RPS6KA2: variants seen among roughly 807,000 people sequenced by gnomAD.
RPS6KA2 encodes the protein ribosomal protein S6 kinase A2.
In RPS6KA2, 42 loss-of-function variants were observed where a neutral mutation model predicts 91.8. The observed-to-expected ratio is 0.46, with a 90% confidence interval of 0.36 to 0.59. RPS6KA2 has a LOEUF of 0.59. Among genes scored for constraint, RPS6KA2 ranks in the 20% least tolerant of loss-of-function variants. The pLI, the probability that RPS6KA2 is intolerant of heterozygous loss-of-function variation, is 0.00. For synonymous variants in RPS6KA2, 414 were observed against 393.6 expected, an observed-to-expected ratio of 1.05 and a Z score of -0.61; for missense variants, 798 against 978.5, an observed-to-expected ratio of 0.82 and a Z score of 2.46.
rs1780037916 is a variant in RPS6KA2 at position 166,825,873 on chromosome 6, G to A, written c.123+32327C>T. Reference sequence around the variant, plus strand: ...GAGAGACACAAGCATTCAGACCACAGCACAGATGAAATGTCCACAGCAGGA... The same window carrying A: ...GAGAGACACAAGCATTCAGACCACAACACAGATGAAATGTCCACAGCAGGA... On this transcript the variant is annotated intron_variant, in intron 2 of 21. Transcript: ENST00000503859. This position sits in a 1 kb window ranked among gnomAD's most constrained non-coding sequence, Gnocchi z 4.1. Among the ~76,000 whole-genome samples, 1 of 152,168 alleles carries A rather than the reference G, an allele frequency of 6.6e-6. No individual in the cohort carries two copies. The highest frequency in any genetic ancestry group is 1.5e-5 in the Non-Finnish European group (1 of 68,032).
intron 14 of RPS6KA2, among the ~76,000 whole-genome samples, chr6:166,446,319 G>A (rs1302283090): frequency 2.6e-5 from 4 of 152,298 alleles, no homozygotes; most frequent in South Asian, 2.1e-4. Context: ...GTCCCGGGCC[G>A]TTCATGGGGC....
intron 2 of RPS6KA2, among the ~76,000 whole-genome samples, chr6:166,691,386 T>C (rs1017764110): frequency 2.0e-5 from 3 of 152,204 alleles, no homozygotes; most frequent in African/African-American, 4.8e-5. Context: ...GCCTGAGACC[T>C]GCCAGGCTAT....
intron 1 of RPS6KA2, among the ~76,000 whole-genome samples, chr6:166,574,775 C>T (rs937976176): frequency 1.3e-5 from 2 of 152,022 alleles, no homozygotes; most frequent in African/African-American, 4.8e-5. Context: ...AGGAAACATA[C>T]AAATGATTGC....
chr6:166,556,866 G>C (rs534709798), intron 1 of RPS6KA2, among the ~76,000 whole-genome samples: 20 of 152,268 alleles, frequency 1.3e-4, no homozygotes, highest in African/African-American at 4.6e-4. Flanking sequence ...CTTTGTAAAA[G>C]TACAATCCCC....
At chr6:166,768,113 T>C (rs926485323) in intron 2 of RPS6KA2, among the ~76,000 whole-genome samples, 2 of 152,228 alleles carry the variant, frequency 1.3e-5, no homozygotes, top group South Asian at 4.1e-4. Context: ...AAACAGGGCA[T>C]GTGTGTTCAC....
At chr6:166,632,429 A>G (rs1285196903) in intron 2 of RPS6KA2, among the ~76,000 whole-genome samples, 1 of 152,110 alleles carries the variant, frequency 6.6e-6, no homozygotes, top group Non-Finnish European at 1.5e-5. Context: ...CCTGACCAAC[A>G]TGGAGAAACC....
At position 166,410,028 on chromosome 6, in the gene RPS6KA2, G is replaced by A. The variant is rs1778248224; in HGVS notation, c.*2734C>T. 1 of 152,184 alleles carries A rather than the reference G, an allele frequency of 6.6e-6. No individual in the cohort carries two copies. Among genetic ancestry groups the A allele is most frequent in the African/African-American group, 2.4e-5 (1 of 41,442 alleles). The allele number at this position is 152,184 out of a possible 1,614,324, so 9.4% of individuals were successfully genotyped here. A position where few individuals can be genotyped will look rare whatever the true frequency, so the allele number is the denominator to read the frequency against. On this transcript the variant is annotated 3_prime_UTR_variant, in exon 21 of 21. Coordinates refer to ENST00000265678, the MANE Select transcript of RPS6KA2 (RefSeq NM_021135.6). ...AGCAAAGCTCTCCCACTGCAGATTG[G>A]GAGAATCAGGTATTTCTCCCACATG...
chr6:166,783,327 T>C (rs920824090), intron 2 of RPS6KA2, among the ~76,000 whole-genome samples: 39 of 151,908 alleles, frequency 2.6e-4, no homozygotes, highest in African/African-American at 9.4e-4. Flanking sequence ...TTGAAGGCCT[T>C]AAGGGAAAAG....
rs201085492 is a variant in RPS6KA2, at chr6:166,423,253, C to T, written c.1743+3G>A. 2 of 1,605,120 alleles carry T rather than the reference C, an allele frequency of 1.2e-6. No homozygotes were observed. The highest frequency in any genetic ancestry group is 2.2e-5 in the East Asian group (1 of 44,616). On this transcript the variant is annotated splice_donor_region_variant and intron_variant, in intron 17 of 20. Transcript: ENST00000265678. The surrounding 1 kb of genome is among the most constrained non-coding windows in gnomAD (Gnocchi z 4.8). ...CCTGGGTCTGCAGTCGGGGAATGCT[C>T]ACCTCCGGGGCCACGAAATTGGCCG...
chr6:166,764,441 A>G (rs1175594219), intron 2 of RPS6KA2, among the ~76,000 whole-genome samples: 1 of 148,152 alleles, frequency 6.7e-6, no homozygotes, highest in Non-Finnish European at 1.5e-5. Flanking sequence ...ATCAGGTCTA[A>G]CAACACGGGG....
At chr6:166,457,199 C>G (rs1780133295) in intron 12 of RPS6KA2, among the ~76,000 whole-genome samples, 2 of 152,356 alleles carry the variant, frequency 1.3e-5, no homozygotes, top group South Asian at 4.1e-4. Flanking sequence ...GGACAACGAT[C>G]TCGTGGTCAG....
chr6:166,656,041 C>G (rs1037122054), intron 2 of RPS6KA2, among the ~76,000 whole-genome samples: 2 of 152,208 alleles, frequency 1.3e-5, no homozygotes, highest in Non-Finnish European at 2.9e-5. Context: ...CATGGGCTGC[C>G]TGAGTGTGCA....
chr6:166,557,183 T>A lies in RPS6KA2; in HGVS notation c.100-18399A>T, dbSNP rs765568942. On this transcript the variant is annotated intron_variant, in intron 1 of 20. Transcript: ENST00000265678. The surrounding 1 kb of genome is among the most constrained non-coding windows in gnomAD (Gnocchi z 4.8). Reference sequence around the variant, plus strand: ...CCCTCTCTGCTAAGTTCCTCCCTGATCTACGGCAGGCAGTTCCCACCCAGC... The same window carrying A: ...CCCTCTCTGCTAAGTTCCTCCCTGAACTACGGCAGGCAGTTCCCACCCAGC... 2.0e-5 allele frequency among the ~76,000 whole-genome samples: 3 copies of A among 152,228 alleles called. No individual in the cohort carries two copies. The highest frequency in any genetic ancestry group is 2.9e-5 in the Non-Finnish European group (2 of 68,050).
chr6:166,683,386 A>C lies in RPS6KA2; in HGVS notation c.124-144602T>G, dbSNP rs371040241. ...AGCAAGCAGTGAGTAAACAGGAAGC[A>C]AAGTGTTTGCTCCCCATGATCAATT... On this transcript the variant is annotated intron_variant, in intron 2 of 21. Transcript: ENST00000503859. Among the ~76,000 whole-genome samples the C allele has an allele frequency of 3.9e-5, 6 of 152,264 alleles. No homozygotes were observed. The East Asian group carries it at 1.2e-3, about 29-fold the overall frequency.
intron 12 of RPS6KA2, among the ~76,000 whole-genome samples, chr6:166,454,728 G>A (rs2128457837): frequency 6.6e-6 from 1 of 152,138 alleles, no homozygotes; most frequent in South Asian, 2.1e-4. Context: ...ATCAGAAGGA[G>A]CCACAGTTGC....
At chr6:166,547,099 C>G (rs1783850779) in intron 1 of RPS6KA2, among the ~76,000 whole-genome samples, 1 of 152,144 alleles carries the variant, frequency 6.6e-6, no homozygotes, top group African/African-American at 2.4e-5. Flanking sequence ...GTTTCTATTT[C>G]AAGTGTACTG....
At chr6:166,729,744 A>G (rs918367200) in intron 2 of RPS6KA2, among the ~76,000 whole-genome samples, 2 of 152,248 alleles carry the variant, frequency 1.3e-5, no homozygotes, top group African/African-American at 4.8e-5. Context: ...GTTCAATGCA[A>G]CCAAGAAACT....
At position 166,770,763 on chromosome 6, in the gene RPS6KA2, A is replaced by C; in HGVS notation, c.123+87437T>G. On this transcript the variant is annotated intron_variant, in intron 2 of 21. Transcript: ENST00000503859. The surrounding 1 kb of genome is among the most constrained non-coding windows in gnomAD (Gnocchi z 5.1). ...CCTTGCTGGACTCCGGGCACCGTGA[A>C]ACAACTCAATAAATTGAAAAAGACT... 8.3e-7 allele frequency: 1 copy of C among 1,205,166 alleles called. No individual in the cohort carries two copies. The highest frequency in any genetic ancestry group is 1.2e-6 in the Non-Finnish European group (1 of 856,828). The allele number at this position is 1,205,166 out of a possible 1,614,324, so 74.7% of individuals were successfully genotyped here. A position where few individuals can be genotyped will look rare whatever the true frequency, so the allele number is the denominator to read the frequency against.
At chr6:166,783,150 G>T (rs1249449654) in intron 2 of RPS6KA2, among the ~76,000 whole-genome samples, 4 of 151,108 alleles carry the variant, frequency 2.6e-5, no homozygotes, top group Non-Finnish European at 5.9e-5. Flanking sequence ...GTGCAGTGGA[G>T]GCTTCACAGC....
Sources: allele counts gnomAD v4.1 joint callset (sites outside exome capture counted in the v4.1 genomes callset), GRCh38; gene constraint gnomAD v4.1.1; non-coding constraint Gnocchi (gnomAD v3.1); transcripts MANE v1.5; gene names NCBI Gene and HGNC (gene_info 2026-07-23, HGNC 2026-07-21).